SMCO2: variants seen among roughly 807,000 people sequenced by gnomAD.
SMCO2 encodes single-pass membrane and coiled-coil domain-containing protein 2.
A neutral mutation model predicts 29.5 loss-of-function variants in SMCO2; 25 were observed. The observed-to-expected ratio is 0.85, with a 90% confidence interval of 0.62 to 1.18. SMCO2 has a LOEUF of 1.18. Among genes scored for constraint, SMCO2 ranks in the 50% most tolerant of loss-of-function variants. The probability of loss-of-function intolerance (pLI) is 0.00; values close to 1 mark genes in which losing one functional copy is unlikely to be tolerated. For missense variants in SMCO2, 348 were observed against 344.5 expected, an observed-to-expected ratio of 1.01 and a Z score of -0.08; for synonymous variants, 117 against 123.3, an observed-to-expected ratio of 0.95 and a Z score of 0.34.
At chr12:27,480,707 C>G (rs56001436) in intron 4 of SMCO2, among the ~76,000 whole-genome samples, 12,062 of 151,642 alleles carry the variant, frequency 0.08, 677 homozygotes, top group Middle Eastern at 0.19. Flanking sequence ...CCTCTCCCCC[C>G]CCTCTCTCTC....
chr12:27,476,163 A>G (rs1949584622), intron 4 of SMCO2, among the ~76,000 whole-genome samples: 1 of 152,026 alleles, frequency 6.6e-6, no homozygotes, highest in African/African-American at 2.4e-5. Context: ...ACATTTCTAT[A>G]TTTTCCAAAG....
the SMCO2 span, among the ~76,000 whole-genome samples, chr12:27,430,707 G>A: frequency 2.0e-5 from 3 of 152,142 alleles, no homozygotes; most frequent in Non-Finnish European, 4.4e-5. Flanking sequence ...TACCGTGGCT[G>A]GCACAGTTCC....
intron 4 of SMCO2, among the ~76,000 whole-genome samples, chr12:27,485,141 T>TAA (rs1555174694): frequency 6.6e-6 from 1 of 151,290 alleles, no homozygotes; most frequent in Non-Finnish European, 1.5e-5. Context: ...TTTTTTTTTC[T>TAA]CTCTTTTCTT....
the SMCO2 span, among the ~76,000 whole-genome samples, chr12:27,448,454 A>G: frequency 3.3e-5 from 5 of 152,122 alleles, no homozygotes; most frequent in Non-Finnish European, 7.4e-5. Flanking sequence ...TTTTCTTTCT[A>G]TTTTCCCCCA....
chr12:27,467,384 A>G (rs964956366), intron 1 of SMCO2, among the ~76,000 whole-genome samples: 8 of 151,766 alleles, frequency 5.3e-5, no homozygotes, highest in South Asian at 4.2e-4. Context: ...AAAGGTCTAG[A>G]GTATGAGTAA....
chr12:27,477,648 T>TTG (rs2135553206), intron 4 of SMCO2, among the ~76,000 whole-genome samples: 1 of 151,080 alleles, frequency 6.6e-6, no homozygotes, highest in East Asian at 1.9e-4. Context: ...TTTTTTTTTT[T>TTG]TTGGCTGATT....
the SMCO2 span, among the ~76,000 whole-genome samples, chr12:27,454,980 T>C: frequency 2.6e-5 from 4 of 152,254 alleles, no homozygotes; most frequent in Non-Finnish European, 4.4e-5. Context: ...TCCATTATCA[T>C]AATTCTTTTA....
chr12:27,448,131 C>T, the SMCO2 span, among the ~76,000 whole-genome samples: 12 of 152,242 alleles, frequency 7.9e-5, no homozygotes, highest in African/African-American at 2.6e-4. Flanking sequence ...ATTAGCTTTC[C>T]GGTTAGAAAA....
At chr12:27,465,316 G>A (rs929655264), upstream of SMCO2, among the ~76,000 whole-genome samples, 15 of 152,144 alleles carry the variant, frequency 9.9e-5, no homozygotes, top group Admixed American at 6.5e-5. Context: ...TACTATTATT[G>A]TTATTTTGTG....
chr12:27,471,892 A>C (rs1055890962), intron 2 of SMCO2, among the ~76,000 whole-genome samples: 3 of 152,224 alleles, frequency 2.0e-5, no homozygotes, highest in Admixed American at 6.5e-5. Context: ...CAAAATTTAG[A>C]ATATACATAT....
chr12:27,483,106 A>C (rs560431460), intron 4 of SMCO2, among the ~76,000 whole-genome samples: 1 of 152,232 alleles, frequency 6.6e-6, no homozygotes, highest in Non-Finnish European at 1.5e-5. Flanking sequence ...GTGCAATACA[A>C]TAGTAGAATG....
At chr12:27,456,578 C>G in the SMCO2 span, among the ~76,000 whole-genome samples, 924 of 152,192 alleles carry the variant, frequency 6.1e-3, 7 homozygotes, top group African/African-American at 0.021. Flanking sequence ...ACCACTGCAC[C>G]CGACTATTGT....
rs146552372 is a variant in SMCO2, at chr12:27,476,812, A to G, written c.362+1899A>G. Among the ~76,000 whole-genome samples, 285 of 152,016 alleles carry G rather than the reference A, an allele frequency of 1.9e-3. 1 individual carries two copies. Among genetic ancestry groups the G allele is most frequent in the African/African-American group, 6.4e-3 (265 of 41,482 alleles). On this transcript the variant is annotated intron_variant, in intron 4 of 7. Coordinates refer to ENST00000298876, the Ensembl canonical transcript of SMCO2. ...TTTAAAAAATCAATTCAACCACTCTATATCTTTTAAATGGGTAATGTAATC... is the reference window on the plus strand; with the variant it reads ...TTTAAAAAATCAATTCAACCACTCTGTATCTTTTAAATGGGTAATGTAATC...
At chr12:27,473,938 T>C (rs1949562469) in intron 3 of SMCO2, among the ~76,000 whole-genome samples, 1 of 152,206 alleles carries the variant, frequency 6.6e-6, no homozygotes, top group Admixed American at 6.5e-5. Flanking sequence ...CTTGGATGCT[T>C]TTCTAGAACA....
exon 3 of SMCO2, chr12:27,472,870 C>T (rs1328706494): frequency 6.5e-7 from 1 of 1,549,702 alleles, no homozygotes; most frequent in South Asian, 1.2e-5. Context: ...TGACTTCCTT[C>T]ACAAGGTAGA....
the SMCO2 span, among the ~76,000 whole-genome samples, chr12:27,434,435 T>C: frequency 6.6e-6 from 1 of 152,214 alleles, no homozygotes; most frequent in African/African-American, 2.4e-5. Context: ...ATAATAGAAT[T>C]TCCCCACATT....
At chr12:27,457,310 T>G in the SMCO2 span, among the ~76,000 whole-genome samples, 1 of 152,174 alleles carries the variant, frequency 6.6e-6, no homozygotes, top group Non-Finnish European at 1.5e-5. Context: ...TTCTTAATAA[T>G]TTTTGAACAA....
chr12:27,501,965 C>G, exon 8 of SMCO2: 3 of 1,545,778 alleles, frequency 1.9e-6, no homozygotes, highest in Non-Finnish European at 2.6e-6. Flanking sequence ...ATGTCCTCAC[C>G]GTCACTGGAC....
chr12:27,425,110 A>G, the SMCO2 span: 64 of 152,172 alleles, frequency 4.2e-4, 1 homozygote, highest in African/African-American at 1.3e-3. Flanking sequence ...CTTCTCATAT[A>G]TTCTTGAGTT....
Sources: allele counts gnomAD v4.1 joint callset (sites outside exome capture counted in the v4.1 genomes callset), GRCh38; gene constraint gnomAD v4.1.1; transcripts MANE v1.5; gene names NCBI Gene and HGNC (gene_info 2026-07-23, HGNC 2026-07-21).